ORC2: variants seen among roughly 807,000 people sequenced by gnomAD.
ORC2 encodes origin recognition complex protein 2 homolog.
Under a neutral mutation model 77.7 loss-of-function variants are expected in ORC2, and 37 were observed. That is an observed-to-expected ratio of 0.48 (90% confidence interval 0.37 to 0.63). ORC2 has a LOEUF of 0.63. ORC2 is among the 20% of genes least tolerant of loss of function. The pLI is 0.00. For synonymous variants in ORC2, 201 were observed against 229.5 expected (o/e 0.88, Z 1.12); for missense variants, 557 against 661.9 (o/e 0.84, Z 1.74).
intron 10 of ORC2, among the ~76,000 whole-genome samples, 173 bp from the exon 11 acceptor site, chr2:200,931,621 A>AT (rs1462224268): frequency 1.3e-5 from 2 of 152,172 alleles, no homozygotes; most frequent in Admixed American, 6.6e-5. Context: ...TTAAAAAATA[A>AT]TTTTTTTGTT....
At position 200,937,980 on chromosome 2, in the gene ORC2, GA is replaced by G; in HGVS notation, c.454-15del. ...TTTGTCATTGTTCTGTTTAGAAATA[GA>G]AAAAGCATTAAATAATAACATGGAA... On this transcript the variant is annotated splice_polypyrimidine_tract_variant and intron_variant, in intron 7 of 17. Coordinates refer to ENST00000234296, the MANE Select transcript of ORC2 (RefSeq NM_006190.5). 1 of 1,555,240 alleles carries G rather than the reference GA, an allele frequency of 6.4e-7. No homozygotes were observed. Among genetic ancestry groups the G allele is most frequent in the Non-Finnish European group, 8.8e-7 (1 of 1,135,614 alleles).
At chr2:200,962,571 A>G (rs2041600277) in intron 1 of ORC2, among the ~76,000 whole-genome samples, 1 of 152,160 alleles carries the variant, frequency 6.6e-6, no homozygotes. Context: ...GCATCACTGA[A>G]TGCTCCCAAT....
At position 200,911,063 on chromosome 2, in the gene ORC2, A is replaced by G. The variant is rs1351372207; in HGVS notation, c.*238T>C. ...CTGTTCATTCCAGCAAGAAGTCTCCAGAGAGGTAATGAATGAAAGGCACAT... is the reference window on the plus strand; with the variant it reads ...CTGTTCATTCCAGCAAGAAGTCTCCGGAGAGGTAATGAATGAAAGGCACAT... On this transcript the variant is annotated 3_prime_UTR_variant, in exon 18 of 18. Transcript: ENST00000234296. 1 of 387,476 alleles carries G rather than the reference A, an allele frequency of 2.6e-6. No individual in the cohort carries two copies. The highest frequency in any genetic ancestry group is 4.7e-6 in the Non-Finnish European group (1 of 211,764). 24.0% of individuals were successfully genotyped at this position (387,476 alleles called of 1,614,324 possible).
intron 11 of ORC2, among the ~76,000 whole-genome samples, chr2:200,927,607 G>A (rs1326414384): frequency 3.3e-5 from 5 of 150,134 alleles, no homozygotes; most frequent in Admixed American, 2.6e-4. Flanking sequence ...GGAGAATGGC[G>A]TGAACACGGA....
intron 8 of ORC2, among the ~76,000 whole-genome samples, chr2:200,936,976 C>CA (rs1465095773): frequency 1.4e-5 from 2 of 146,974 alleles, no homozygotes; most frequent in African/African-American, 5.0e-5. Flanking sequence ...CAGCATGTAA[C>CA]AAATGTAGAT....
At chr2:200,919,453 G>T (rs181420136) in intron 15 of ORC2, among the ~76,000 whole-genome samples, 161 of 152,264 alleles carry the variant, frequency 1.1e-3, no homozygotes, top group African/African-American at 3.4e-3. Context: ...CTGCCTCCTG[G>T]GTTCAAGCAA....
chr2:200,929,868 T>C (rs1172213068), intron 11 of ORC2, among the ~76,000 whole-genome samples: 2 of 152,108 alleles, frequency 1.3e-5, no homozygotes, highest in Non-Finnish European at 2.9e-5. Context: ...CATTCAGTCA[T>C]TCACTCTGCT....
intron 11 of ORC2, among the ~76,000 whole-genome samples, chr2:200,929,251 A>G (rs1339648881): frequency 6.6e-6 from 1 of 152,138 alleles, no homozygotes; most frequent in Non-Finnish European, 1.5e-5. Flanking sequence ...GTGCCCAGCC[A>G]AGAATGAGCA....
At chr2:200,915,840 G>T (rs773654958) in intron 15 of ORC2, among the ~76,000 whole-genome samples, 5 of 151,882 alleles carry the variant, frequency 3.3e-5, no homozygotes, top group Admixed American at 6.6e-5. Flanking sequence ...ATTACAGGTG[G>T]ACACCACCAC....
At chr2:200,957,019 G>C in intron 4 of ORC2, among the ~76,000 whole-genome samples, 1 of 152,140 alleles carries the variant, frequency 6.6e-6, no homozygotes, top group East Asian at 1.9e-4. Flanking sequence ...CGGGTGGGTG[G>C]AGGGAGGGAG....
chr2:200,927,558 C>T (rs1448725031), intron 11 of ORC2, among the ~76,000 whole-genome samples: 2 of 149,326 alleles, frequency 1.3e-5, no homozygotes, highest in East Asian at 2.1e-4. Flanking sequence ...GGTGCAGTGG[C>T]GGGTGCCTGT....
chr2:200,936,920 A>G (rs1012909242), intron 8 of ORC2, among the ~76,000 whole-genome samples: 12 of 152,106 alleles, frequency 7.9e-5, no homozygotes, highest in African/African-American at 2.7e-4. Context: ...ACAAATCAGC[A>G]TATTTATTCT....
chr2:200,934,111 C>A, intron 9 of ORC2, 137 bp from the exon 10 acceptor site: 1 of 505,626 alleles, frequency 2.0e-6, no homozygotes, highest in South Asian at 3.3e-5. Context: ...AGCAACAGTA[C>A]CAGTTAAGGA....
chr2:200,958,036 C>T lies in ORC2; in HGVS notation c.88G>A (p.Glu30Lys), dbSNP rs749090058. 19 of 1,574,300 alleles carry T rather than the reference C, an allele frequency of 1.2e-5. No homozygotes were observed. The highest frequency in any genetic ancestry group is 5.6e-5 in the South Asian group (5 of 90,024). Residue 30 changes from glutamate (E) to lysine (K), a missense_variant, in exon 3 of 18, where the codon GAA (glutamate) becomes AAA (lysine). By Grantham distance (56) the Glu-to-Lys change is moderately conservative. Transcript: ENST00000234296. Reference protein sequence around the residue: ...DDVLNHILDREGGAKLKKERA... With the variant: ...DDVLNHILDRKGGAKLKKERA... ...TTGTACAATCACTTAATACCTCCTTCTCTATCTAGAATGTGATTAAGAACA... is the reference window on the plus strand; with the variant it reads ...TTGTACAATCACTTAATACCTCCTTTTCTATCTAGAATGTGATTAAGAACA...
intron 8 of ORC2, 85 bp from the exon 9 acceptor site, chr2:200,935,977 G>A: frequency 1.9e-6 from 2 of 1,080,676 alleles, no homozygotes; most frequent in Non-Finnish European, 2.6e-6. Context: ...TGGGGGCTCT[G>A]TAGTAAGAGT....
At chr2:200,939,887 T>C (rs1021760212) in intron 7 of ORC2, among the ~76,000 whole-genome samples, 1 of 152,206 alleles carries the variant, frequency 6.6e-6, no homozygotes, top group African/African-American at 2.4e-5. Context: ...GTTTTTTTCC[T>C]TTTATAGTGA....
At chr2:200,927,463 G>C (rs965032936) in intron 11 of ORC2, among the ~76,000 whole-genome samples, 29 of 151,488 alleles carry the variant, frequency 1.9e-4, no homozygotes, top group African/African-American at 7.0e-4. Flanking sequence ...GGGAGGCCGA[G>C]GTGGGCGGAT....
At chr2:200,957,568 G>C (rs1453777181) in intron 3 of ORC2, 24 bp from the exon 4 acceptor site, 4 of 1,535,378 alleles carry the variant, frequency 2.6e-6, no homozygotes, top group African/African-American at 1.4e-5. Context: ...CAAAGAAATA[G>C]AGCATGACAG....
chr2:200,937,924 G>T lies in ORC2; in HGVS notation c.496C>A (p.Leu166Ile). 1 of 1,599,426 alleles carries T rather than the reference G, an allele frequency of 6.3e-7. No homozygotes were observed. Among genetic ancestry groups the T allele is most frequent in the South Asian group, 1.1e-5 (1 of 89,204 alleles). The change falls in exon 8 of 18, where the codon CTA (leucine) becomes ATA (isoleucine). Residue 166 changes from leucine (L) to isoleucine (I), a missense_variant. Transcript: ENST00000234296. ...SEFLSTAPRS[L>I]RKRLIVPRSH... ...TACGTACCTATTAATCTTTTTCTTA[G>T]ACTACGAGGTGCTGTTGACAGAAAT...
Sources: allele counts gnomAD v4.1 joint callset (sites outside exome capture counted in the v4.1 genomes callset), GRCh38; gene constraint gnomAD v4.1.1; transcripts MANE v1.5; gene names NCBI Gene and HGNC (gene_info 2026-07-23, HGNC 2026-07-21).